Variants in DNM3 observed in about 807,000 individuals in gnomAD.
DNM3 encodes dynamin-3.
DNM3 carries 47 observed loss-of-function variants against 101.6 expected under a neutral mutation model. That is an observed-to-expected ratio of 0.46 (90% CI 0.37 to 0.59). DNM3 has a LOEUF of 0.59. DNM3 is among the 20% of genes least tolerant of loss of function. The pLI, the probability that DNM3 is intolerant of heterozygous loss-of-function variation, is 0.00. For synonymous variants in DNM3, 385 were observed against 387.9 expected (o/e 0.99, Z 0.09); for missense variants, 849 against 1,085.7 (o/e 0.78, Z 3.06).
chr1:172,316,944 C>A (rs1247140092), intron 16 of DNM3, among the ~76,000 whole-genome samples: 3 of 152,152 alleles, frequency 2.0e-5, no homozygotes, highest in Non-Finnish European at 2.9e-5. Flanking sequence ...ACATTTTTTT[C>A]AGCACCGCAC....
chr1:171,981,018 G>C (rs942196700), intron 2 of DNM3, among the ~76,000 whole-genome samples: 1 of 151,704 alleles, frequency 6.6e-6, no homozygotes, highest in African/African-American at 2.4e-5. Context: ...TGATCCACCC[G>C]CCTCAGCCTC....
At chr1:172,314,246 A>AG (rs1276138375) in intron 16 of DNM3, among the ~76,000 whole-genome samples, 3 of 152,196 alleles carry the variant, frequency 2.0e-5, no homozygotes, top group African/African-American at 2.4e-5. Flanking sequence ...AATGTGGCAC[A>AG]GGGGGAGGAG....
At position 172,043,200 on chromosome 1, in the gene DNM3, G is replaced by A. The variant is rs549782403; in HGVS notation, c.1128+1056G>A. ...GTTGCTAGGGCTTCGATTGAAATGGGGGAATGGAAGAAAGGGAAGTTTTGA... is the reference window on the plus strand; with the variant it reads ...GTTGCTAGGGCTTCGATTGAAATGGAGGAATGGAAGAAAGGGAAGTTTTGA... On this transcript the variant is annotated intron_variant, in intron 8 of 20. Coordinates refer to ENST00000627582, the MANE Select transcript of DNM3 (RefSeq NM_015569.5). Among the ~76,000 whole-genome samples the A allele has an allele frequency of 1.2e-4, 18 of 152,204 alleles. 1 individual carries two copies. The highest frequency in any genetic ancestry group is 4.1e-4 in the African/African-American group (17 of 41,544).
At chr1:171,975,154 G>C (rs1404812530) in intron 2 of DNM3, among the ~76,000 whole-genome samples, 1 of 152,046 alleles carries the variant, frequency 6.6e-6, no homozygotes, top group Non-Finnish European at 1.5e-5. Flanking sequence ...ACTGCACCTG[G>C]CCATTGTTTT....
chr1:171,876,058 C>G (rs2035752211), intron 1 of DNM3, among the ~76,000 whole-genome samples: 1 of 152,002 alleles, frequency 6.6e-6, no homozygotes, highest in Non-Finnish European at 1.5e-5. Context: ...ATCCGCCCCC[C>G]TCGGCCTCGC....
chr1:171,857,731 T>C (rs548774330), intron 1 of DNM3, among the ~76,000 whole-genome samples: 2 of 152,326 alleles, frequency 1.3e-5, no homozygotes, highest in East Asian at 3.9e-4. Context: ...GATAGTGTTT[T>C]AGGTACCATT....
chr1:172,133,593 C>T (rs2057057489), intron 14 of DNM3, among the ~76,000 whole-genome samples: 1 of 151,980 alleles, frequency 6.6e-6, no homozygotes, highest in Admixed American at 6.6e-5. Flanking sequence ...TTCTATGGAG[C>T]TAACAAGCAA....
intron 19 of DNM3, 137 bp from the exon 20 acceptor site, chr1:172,388,436 T>C: frequency 1.3e-6 from 1 of 766,096 alleles, no homozygotes; most frequent in Non-Finnish European, 2.1e-6. Flanking sequence ...CTTTTATCCC[T>C]TTGACTTTCA....
At chr1:172,220,277 G>T (rs1266021478) in intron 14 of DNM3, among the ~76,000 whole-genome samples, 1 of 152,176 alleles carries the variant, frequency 6.6e-6, no homozygotes, top group African/African-American at 2.4e-5. Context: ...GGCTAGATAG[G>T]AGTTTCTTGA....
chr1:172,350,494 C>G (rs547213985), intron 17 of DNM3, among the ~76,000 whole-genome samples: 13 of 152,134 alleles, frequency 8.5e-5, no homozygotes, highest in Non-Finnish European at 1.8e-4. Context: ...ACTTAACTGT[C>G]GTGGTATCAC....
chr1:171,995,438 C>T lies in DNM3; in HGVS notation c.589+6290C>T, dbSNP rs1373170633. 3.3e-5 allele frequency among the ~76,000 whole-genome samples: 5 copies of T among 151,254 alleles called. No homozygotes were observed. In the East Asian group the frequency reaches 9.7e-4, roughly 29 times the overall value. On this transcript the variant is annotated intron_variant, in intron 4 of 20. Coordinates refer to ENST00000627582, the MANE Select transcript of DNM3 (RefSeq NM_015569.5). ...AGGTGTTTTTTTTTTTGAATATTTA[C>T]TCCTCAGATTGTTGTAAGCCTTTGG...
intron 18 of DNM3, chr1:172,380,735 A>T (rs1204714633): frequency 6.6e-6 from 1 of 152,104 alleles, no homozygotes; most frequent in Non-Finnish European, 1.5e-5. Flanking sequence ...GTGTATTTTT[A>T]AAATTACCTT....
chr1:172,378,250 G>T (rs537560136), intron 17 of DNM3: 1 of 152,048 alleles, frequency 6.6e-6, no homozygotes, highest in African/African-American at 2.4e-5. Context: ...AGCCATTCCA[G>T]CTCAGCCTCT....
chr1:172,055,982 C>T (rs1181299099), intron 10 of DNM3, among the ~76,000 whole-genome samples: 1 of 152,134 alleles, frequency 6.6e-6, no homozygotes, highest in Non-Finnish European at 1.5e-5. Context: ...TCAGTGGGTG[C>T]GTGCACCGTG....
intron 17 of DNM3, among the ~76,000 whole-genome samples, chr1:172,360,973 A>G (rs1017671804): frequency 6.6e-6 from 1 of 152,060 alleles, no homozygotes; most frequent in Non-Finnish European, 1.5e-5. Context: ...AGCCAGATTT[A>G]TGAATGAGAG....
At chr1:171,968,639 G>C (rs1326530633) in intron 2 of DNM3, among the ~76,000 whole-genome samples, 1 of 151,790 alleles carries the variant, frequency 6.6e-6, no homozygotes, top group East Asian at 1.9e-4. Context: ...TTCAGCTTGA[G>C]TGACCCCATT....
At chr1:172,033,915 G>T (rs1045874375) in intron 6 of DNM3, among the ~76,000 whole-genome samples, 2 of 152,208 alleles carry the variant, frequency 1.3e-5, no homozygotes, top group East Asian at 3.9e-4. Flanking sequence ...TAAGTGTTAC[G>T]ACAAGCATCA....
intron 2 of DNM3, among the ~76,000 whole-genome samples, chr1:171,972,372 A>T (rs1348524261): frequency 6.6e-6 from 1 of 152,216 alleles, no homozygotes; most frequent in African/African-American, 2.4e-5. Flanking sequence ...CATTCACAAG[A>T]TCTTGAAAAG....
chr1:172,018,520 A>T (rs1392127087), intron 4 of DNM3, among the ~76,000 whole-genome samples: 2 of 152,172 alleles, frequency 1.3e-5, no homozygotes, highest in African/African-American at 4.8e-5. Flanking sequence ...AAGTGATAGA[A>T]ATTCAGTACA....
Sources: allele counts gnomAD v4.1 joint callset (sites outside exome capture counted in the v4.1 genomes callset), GRCh38; gene constraint gnomAD v4.1.1; transcripts MANE v1.5; gene names NCBI Gene and HGNC (gene_info 2026-07-23, HGNC 2026-07-21).